SCAF11: variants seen among roughly 807,000 people sequenced by gnomAD.
SCAF11 encodes SR-related CTD associated factor 11.
In SCAF11, 47 loss-of-function variants were observed where a neutral mutation model predicts 140.5. The ratio of observed to expected loss-of-function variants is 0.33; its 90% CI spans 0.26 to 0.43. The LOEUF (loss-of-function observed/expected upper bound fraction) is 0.43, where lower values mean the gene tolerates loss of function less well. Ranked by LOEUF, SCAF11 falls within the 20% of genes least tolerant of loss-of-function variation. The pLI, the probability that SCAF11 is intolerant of heterozygous loss-of-function variation, is 1.00. For missense variants in SCAF11, 1,645 were observed against 1,705.1 expected, an observed-to-expected ratio of 0.96 and a Z score of 0.62; for synonymous variants, 557 against 579.4, an observed-to-expected ratio of 0.96 and a Z score of 0.55.
chr12:45,951,618 T>C (rs200168517), intron 4 of SCAF11, 32 bp downstream of exon 4: 3 of 1,370,636 alleles, frequency 2.2e-6, no homozygotes, highest in East Asian at 4.7e-5. Flanking sequence ...TTAATTTTTA[T>C]ATAATTCATG....
intron 6 of SCAF11, among the ~76,000 whole-genome samples, chr12:45,935,662 T>A (rs1592176941): frequency 6.6e-6 from 1 of 152,224 alleles, no homozygotes; most frequent in South Asian, 2.1e-4. Flanking sequence ...AGTGTTTACA[T>A]AGCATTCTTT....
Position 45,922,019 on chromosome 12 carries a change from T to C in SCAF11, c.*29A>G. On this transcript the variant is annotated 3_prime_UTR_variant, in exon 15 of 15. Transcript: ENST00000369367. ...TTGAAATTGCACTTTGCAGATATCC[T>C]GATAATGTCCTTGACAGCGTTCCCC... is the stretch of plus-strand genomic sequence containing the variant. 1 of 1,594,440 alleles carries C rather than the reference T, an allele frequency of 6.3e-7. No homozygotes were observed. The highest frequency in any genetic ancestry group is 8.5e-7 in the Non-Finnish European group (1 of 1,173,978).
upstream of SCAF11, chr12:45,990,576 C>T: frequency 8.1e-7 from 1 of 1,230,856 alleles, no homozygotes; most frequent in Non-Finnish European, 1.0e-6. Context: ...CCGCTACTCC[C>T]CCTTCCCCCG....
At chr12:45,958,321 T>C (rs1040069079) in intron 3 of SCAF11, among the ~76,000 whole-genome samples, 3 of 152,194 alleles carry the variant, frequency 2.0e-5, no homozygotes, top group Admixed American at 6.5e-5. Context: ...GTCCTTTACC[T>C]TCCTAAAGTA....
rs1944940515 is a variant in SCAF11, at chr12:45,928,113, A to G, written c.1588T>C (p.Ser530Pro). Residue 530 changes from serine (S) to proline (P), a missense_variant, in exon 11 of 15, where the codon TCT (serine) becomes CCT (proline). Around this residue, in one of 2 missense-constraint regions of SCAF11, gnomAD observed 1,582 missense variants for 1,609.2 expected, o/e 0.98. Transcript: ENST00000369367. ...GDPLEKQDQI[S>P]GLSQSEVKTD... ...TTTACCTCTGATTGTGAAAGTCCAG[A>G]TATCTGGTCTTGCTTTTCCAATGGA... is the stretch of plus-strand genomic sequence containing the variant. 2 of 1,613,988 alleles carry G rather than the reference A, an allele frequency of 1.2e-6. No individual in the cohort carries two copies. Among genetic ancestry groups the G allele is most frequent in the South Asian group, 1.1e-5 (1 of 91,072 alleles).
intron 14 of SCAF11, 124 bp from the exon 15 acceptor site, chr12:45,922,318 C>T: frequency 6.2e-6 from 9 of 1,457,734 alleles, no homozygotes; most frequent in Non-Finnish European, 8.3e-6. Context: ...TTCATTATCT[C>T]ACACAAACTA....
At chr12:45,984,426 A>G (rs1352808715) in intron 1 of SCAF11, among the ~76,000 whole-genome samples, 1 of 152,176 alleles carries the variant, frequency 6.6e-6, no homozygotes, top group Non-Finnish European at 1.5e-5. Flanking sequence ...GTCCTGTCAA[A>G]TGGCATACAA....
chr12:45,990,523 C>T lies in SCAF11; in HGVS notation c.-192G>A. 8.1e-7 allele frequency: 1 copy of T among 1,232,006 alleles called. No homozygotes were observed. Among genetic ancestry groups the T allele is most frequent in the Non-Finnish European group, 1.0e-6 (1 of 988,224 alleles). The allele number at this position is 1,232,006 out of a possible 1,614,324, so 76.3% of individuals were successfully genotyped here. ...GCTCGGTCCGGAGGCGGCGGCGAAGCAGGGAGCGACCCAGGTTGCGCTGCT... is the reference window on the plus strand; with the variant it reads ...GCTCGGTCCGGAGGCGGCGGCGAAGTAGGGAGCGACCCAGGTTGCGCTGCT... On this transcript the variant is annotated 5_prime_UTR_variant, in exon 1 of 15. Coordinates refer to ENST00000369367, the MANE Select transcript of SCAF11 (RefSeq NM_004719.3).
intron 6 of SCAF11, among the ~76,000 whole-genome samples, chr12:45,943,101 A>C (rs188903207): frequency 8.5e-4 from 129 of 152,334 alleles, no homozygotes; most frequent in African/African-American, 3.0e-3. Context: ...TCATCCAATA[A>C]ATAATCTATT....
intron 11 of SCAF11, among the ~76,000 whole-genome samples, chr12:45,925,433 T>C (rs1944836242): frequency 6.6e-6 from 1 of 152,066 alleles, no homozygotes; most frequent in South Asian, 2.1e-4. Flanking sequence ...TGAGCGCCTG[T>C]AATCCCAGCT....
intron 6 of SCAF11, chr12:45,935,042 T>C (rs912668060): frequency 2.6e-5 from 4 of 152,284 alleles, no homozygotes; most frequent in Non-Finnish European, 5.9e-5. Flanking sequence ...GATGGAAAAG[T>C]AGATGTGCTG....
chr12:45,972,883 T>C (rs370230807), intron 1 of SCAF11, among the ~76,000 whole-genome samples: 1 of 42,824 alleles, frequency 2.3e-5, no homozygotes, highest in Non-Finnish European at 3.8e-5. Context: ...TATATATAGA[T>C]ATATATATAG....
At chr12:45,976,307 G>A (rs566897106) in intron 1 of SCAF11, among the ~76,000 whole-genome samples, 3 of 152,260 alleles carry the variant, frequency 2.0e-5, no homozygotes, top group African/African-American at 7.2e-5. Flanking sequence ...TTCAAGAAGG[G>A]TGAGTAAAGT....
At chr12:45,990,119 C>A (rs1023016005) in intron 1 of SCAF11, among the ~76,000 whole-genome samples, 1 of 151,118 alleles carries the variant, frequency 6.6e-6, no homozygotes, top group Non-Finnish European at 1.5e-5. Context: ...GAGCCTCCCT[C>A]GCGGGGCAGC....
intron 6 of SCAF11, among the ~76,000 whole-genome samples, chr12:45,938,143 G>T (rs1233046639): frequency 6.6e-6 from 1 of 152,106 alleles, no homozygotes; most frequent in Non-Finnish European, 1.5e-5. Flanking sequence ...CTTATGTGCT[G>T]TCCCCCTCTC....
chr12:45,980,697 T>A (rs1205764859), intron 1 of SCAF11, among the ~76,000 whole-genome samples: 4 of 152,158 alleles, frequency 2.6e-5, no homozygotes, highest in Non-Finnish European at 5.9e-5. Flanking sequence ...TAAGTAACAT[T>A]TATCTGAGTC....
At chr12:45,961,196 G>T in intron 3 of SCAF11, 1 of 621,178 alleles carries the variant, frequency 1.6e-6, no homozygotes, top group South Asian at 2.0e-5. Context: ...ATGAGATCTT[G>T]ACCAAGTCAT....
At chr12:45,990,847 G>A (rs1195627187), upstream of SCAF11, among the ~76,000 whole-genome samples, 1 of 152,232 alleles carries the variant, frequency 6.6e-6, no homozygotes, top group Non-Finnish European at 1.5e-5. Context: ...GGGCAGCTGC[G>A]CTGGAGGGGC....
intron 1 of SCAF11, among the ~76,000 whole-genome samples, chr12:45,987,430 C>CATTG (rs1187910338): frequency 3.3e-5 from 5 of 152,202 alleles, no homozygotes; most frequent in Non-Finnish European, 5.9e-5. Flanking sequence ...ACACTGAAGG[C>CATTG]ATTGTTCAGG....
Sources: allele counts gnomAD v4.1 joint callset (sites outside exome capture counted in the v4.1 genomes callset), GRCh38; gene constraint gnomAD v4.1.1; regional missense constraint gnomAD v4.1.1; transcripts MANE v1.5; gene names NCBI Gene and HGNC (gene_info 2026-07-23, HGNC 2026-07-21).